SLC41A2: variants seen among roughly 807,000 people sequenced by gnomAD.
SLC41A2 encodes SLC41A1-like 1.
In SLC41A2, 32 loss-of-function variants were observed where a neutral mutation model predicts 58.3. The observed-to-expected ratio is 0.55, with a 90% CI of 0.41 to 0.74. The LOEUF (loss-of-function observed/expected upper bound fraction) is 0.74. Among genes scored for constraint, SLC41A2 ranks in the 30% least tolerant of loss-of-function variants. The pLI is 0.00. For synonymous variants in SLC41A2, 190 were observed against 235.0 expected (o/e 0.81, Z 1.75); for missense variants, 514 against 680.6 (o/e 0.76, Z 2.72).
At chr12:104,899,505 A>G (rs1006566926) in intron 3 of SLC41A2, among the ~76,000 whole-genome samples, 1 of 152,126 alleles carries the variant, frequency 6.6e-6, no homozygotes, top group Non-Finnish European at 1.5e-5. Context: ...TCTCCCATAG[A>G]GTGAAGCACC....
chr12:104,905,631 C>T (rs1473918724), intron 3 of SLC41A2, among the ~76,000 whole-genome samples: 3 of 152,248 alleles, frequency 2.0e-5, no homozygotes, highest in African/African-American at 7.2e-5. Flanking sequence ...TCAGGCATGG[C>T]AGGCTGCAGG....
chr12:104,860,984 C>A (rs1425909622), intron 8 of SLC41A2, among the ~76,000 whole-genome samples: 2 of 152,136 alleles, frequency 1.3e-5, no homozygotes, highest in Non-Finnish European at 2.9e-5. Flanking sequence ...AGCTGATAAT[C>A]CCAATGTAAA....
chr12:104,901,171 C>T (rs934544530), intron 3 of SLC41A2, among the ~76,000 whole-genome samples: 1 of 151,946 alleles, frequency 6.6e-6, no homozygotes, highest in Non-Finnish European at 1.5e-5. Flanking sequence ...AGGTGATTTG[C>T]TCCTGGGAAA....
At chr12:104,835,093 T>A (rs940444054) in intron 10 of SLC41A2, among the ~76,000 whole-genome samples, 2 of 152,204 alleles carry the variant, frequency 1.3e-5, no homozygotes, top group African/African-American at 4.8e-5. Context: ...AAGACAATAA[T>A]GATGAAAATA....
At chr12:104,878,464 C>G (rs1021143138) in intron 6 of SLC41A2, among the ~76,000 whole-genome samples, 4 of 151,154 alleles carry the variant, frequency 2.6e-5, no homozygotes, top group African/African-American at 9.7e-5. Context: ...CCTCCCCCGT[C>G]CCCCCACCCC....
At chr12:104,838,695 G>A (rs1202136785) in intron 10 of SLC41A2, among the ~76,000 whole-genome samples, 3 of 152,034 alleles carry the variant, frequency 2.0e-5, no homozygotes, top group Non-Finnish European at 2.9e-5. Context: ...GTGAAAGTTA[G>A]GCATAGGCAC....
At position 104,805,138 on chromosome 12, in the gene SLC41A2, G is replaced by C; in HGVS notation, c.*14C>G. ...TTTCTTCCTTGGTAACTTGAGAGCA[G>C]TTTGTAGAATTTATTAGTCTCCAAC... On this transcript the variant is annotated 3_prime_UTR_variant, in exon 11 of 11. Transcript: ENST00000258538. The C allele has an allele frequency of 6.3e-7, 1 of 1,588,100 alleles. No homozygotes were observed. The highest frequency in any genetic ancestry group is 1.1e-5 in the South Asian group (1 of 87,106).
intron 7 of SLC41A2, among the ~76,000 whole-genome samples, chr12:104,863,751 T>C (rs1319708173): frequency 6.6e-6 from 1 of 152,162 alleles, no homozygotes; most frequent in Non-Finnish European, 1.5e-5. Flanking sequence ...TCTGGTGAAA[T>C]ACTTAGGGTT....
At chr12:104,854,605 C>T (rs1227864884) in intron 8 of SLC41A2, among the ~76,000 whole-genome samples, 2 of 151,586 alleles carry the variant, frequency 1.3e-5, no homozygotes, top group Non-Finnish European at 2.9e-5. Context: ...ATCAGAAATT[C>T]CCAACCAGTG....
At chr12:104,872,178 G>A (rs954384743) in intron 6 of SLC41A2, among the ~76,000 whole-genome samples, 23 of 152,144 alleles carry the variant, frequency 1.5e-4, no homozygotes, top group African/African-American at 5.5e-4. Context: ...TATAGAACAG[G>A]AGAAGCAGGC....
At chr12:104,912,884 C>A (rs1458139350) in intron 2 of SLC41A2, among the ~76,000 whole-genome samples, 6 of 152,148 alleles carry the variant, frequency 3.9e-5, no homozygotes, top group Admixed American at 3.9e-4. Context: ...GTGTCTGCTG[C>A]AGAACTGACT....
chr12:104,859,854 A>T (rs1015761744), intron 8 of SLC41A2, among the ~76,000 whole-genome samples: 25 of 152,082 alleles, frequency 1.6e-4, no homozygotes, highest in South Asian at 4.2e-4. Flanking sequence ...CTCTTGCTTC[A>T]GCCTCCCAAG....
chr12:104,955,713 T>C (rs2048139554), intron 1 of SLC41A2, among the ~76,000 whole-genome samples: 1 of 151,876 alleles, frequency 6.6e-6, no homozygotes, highest in African/African-American at 2.4e-5. Context: ...CAGTGGAAAA[T>C]TGAGTTTGAA....
intron 10 of SLC41A2, among the ~76,000 whole-genome samples, chr12:104,816,137 C>T (rs968035280): frequency 2.0e-5 from 3 of 152,076 alleles, no homozygotes; most frequent in Non-Finnish European, 4.4e-5. Flanking sequence ...TCCCATACCA[C>T]ATTACCCCTG....
chr12:104,870,331 C>T (rs190212132), intron 6 of SLC41A2, among the ~76,000 whole-genome samples: 83 of 152,238 alleles, frequency 5.5e-4, no homozygotes, highest in Non-Finnish European at 2.9e-5. Context: ...AGGATCCAAT[C>T]CTGATGACAC....
chr12:104,892,107 C>G (rs140176547), intron 4 of SLC41A2, among the ~76,000 whole-genome samples: 1 of 152,008 alleles, frequency 6.6e-6, no homozygotes, highest in East Asian at 1.9e-4. Flanking sequence ...TGAGACCAGC[C>G]TGGCTAACAT....
intron 1 of SLC41A2, among the ~76,000 whole-genome samples, chr12:104,929,616 C>T (rs2046979577): frequency 6.6e-6 from 1 of 152,234 alleles, no homozygotes; most frequent in Admixed American, 6.5e-5. Flanking sequence ...CAAGGTCACC[C>T]ACGACCTGAC....
Position 104,886,665 on chromosome 12 carries a change from T to C in SLC41A2, c.881-226A>G, listed in dbSNP as rs12315904. Among the ~76,000 whole-genome samples the C allele has an allele frequency of 0.029, 4,479 of 152,144 alleles. 192 individuals carry two copies. The highest frequency in any genetic ancestry group is 0.1 in the African/African-American group (4,211 of 41,546). ...AATTTAAGAAGTTCAGCATTGTATT[T>C]AGAGGCCTGAAAGCTACTAAAATTA... On this transcript the variant is annotated intron_variant, in intron 5 of 10. Transcript: ENST00000258538.
chr12:104,917,160 C>A (rs1013406383), intron 2 of SLC41A2, among the ~76,000 whole-genome samples: 3 of 151,968 alleles, frequency 2.0e-5, no homozygotes, highest in African/African-American at 7.3e-5. Context: ...AACAAGTGGG[C>A]GAAGGACATG....
Sources: gnomAD v4.1 joint callset for allele counts (sites outside exome capture counted in the v4.1 genomes callset) on GRCh38, gnomAD v4.1.1 for gene constraint, MANE v1.5 for transcripts, NCBI Gene and HGNC (gene_info 2026-07-23, HGNC 2026-07-21) for gene names.